The following MCF2L variants were observed in gnomAD, a reference collection of about 807,000 sequenced individuals.
The protein encoded by MCF2L is MCF.2 cell line derived transforming sequence like.
Under a neutral mutation model 153.4 loss-of-function variants are expected in MCF2L, and 97 were observed. The observed-to-expected ratio is 0.63, with a 90% CI of 0.54 to 0.75. MCF2L has a LOEUF of 0.75. Ranked by LOEUF, MCF2L falls within the 30% of genes least tolerant of loss-of-function variation. MCF2L has a pLI of 0.00. For missense variants in MCF2L, 1,347 were observed against 1,495.2 expected (o/e 0.90, Z 1.64); for synonymous variants, 659 against 632.2 (o/e 1.04, Z -0.64).
chr13:113,042,112 C>T (rs1279737001), intron 3 of MCF2L, among the ~76,000 whole-genome samples: 9 of 152,090 alleles, frequency 5.9e-5, no homozygotes, highest in Admixed American at 3.3e-4. Flanking sequence ...CCTGCCTGCA[C>T]CCCGTTCCCA....
intron 1 of MCF2L, among the ~76,000 whole-genome samples, chr13:112,975,409 C>T (rs1325636916): frequency 6.6e-6 from 1 of 152,252 alleles, no homozygotes; most frequent in Non-Finnish European, 1.5e-5. Flanking sequence ...GCTCTGCCAT[C>T]TGTGGCTGTG....
intron 2 of MCF2L, among the ~76,000 whole-genome samples, chr13:112,939,430 A>G (rs1294888401): frequency 6.6e-6 from 1 of 152,104 alleles, no homozygotes; most frequent in Non-Finnish European, 1.5e-5. Flanking sequence ...GCATGCCCCC[A>G]CTGCTCCCAC....
rs138453919 is a variant in MCF2L at position 113,006,794 on chromosome 13, A to T, written c.80-7969A>T. The stretch of plus-strand genomic sequence containing the variant: ...GCAGTCACTTGAGAACGCCCCGAGC[A>T]TCTGGCCCAGGAGGCTCGGCCTGGA... On this transcript the variant is annotated intron_variant, in intron 1 of 29. Transcript: ENST00000535094. 4.4e-3 allele frequency among the ~76,000 whole-genome samples: 675 copies of T among 152,338 alleles called. 7 individuals are homozygous for T. Among genetic ancestry groups the T allele is most frequent in the Non-Finnish European group, 7.5e-3 (510 of 68,022 alleles).
chr13:112,899,186 C>T (rs1167427878), intron 1 of MCF2L, among the ~76,000 whole-genome samples: 3 of 152,206 alleles, frequency 2.0e-5, no homozygotes, highest in Non-Finnish European at 4.4e-5. Context: ...GAGTTCTAGC[C>T]GCCTGTGACC....
chr13:112,984,039 C>T (rs1436507402), intron 1 of MCF2L, among the ~76,000 whole-genome samples: 2 of 152,134 alleles, frequency 1.3e-5, no homozygotes, highest in African/African-American at 4.8e-5. Flanking sequence ...AGGTTGGGGC[C>T]GGTGCCAGGG....
intron 1 of MCF2L, chr13:113,009,240 A>G (rs1467763676): frequency 6.6e-6 from 1 of 152,234 alleles, no homozygotes; most frequent in East Asian, 1.9e-4. Context: ...TTCCCTGATC[A>G]CCGCTTCTTT....
rs2086814801 is a variant in MCF2L at position 113,046,380 on chromosome 13, C to T, written c.369+1019C>T. On this transcript the variant is annotated intron_variant, in intron 4 of 29. Coordinates refer to ENST00000535094, the MANE Select transcript of MCF2L (RefSeq NM_001112732.3). The surrounding 1 kb of genome is among the most constrained non-coding windows in gnomAD (Gnocchi z 4.4). Reference sequence around the variant, plus strand: ...GACCCTGGGTCCTCAGCTGTGATGGCACAATTGCTCCAAGCATTCCCCAGC... The same window carrying T: ...GACCCTGGGTCCTCAGCTGTGATGGTACAATTGCTCCAAGCATTCCCCAGC... The T allele has an allele frequency of 7.7e-6, 3 of 388,496 alleles. No homozygotes were observed. The highest frequency in any genetic ancestry group is 4.0e-5 in the South Asian group (2 of 50,308). 24.1% of individuals were successfully genotyped at this position (388,496 alleles called of 1,614,324 possible).
rs1219347545 is a variant in MCF2L, at chr13:113,031,476, T to C, written c.278+6718T>C. On this transcript the variant is annotated intron_variant, in intron 3 of 29. Coordinates refer to ENST00000535094, the MANE Select transcript of MCF2L (RefSeq NM_001112732.3). This position sits in a 1 kb window ranked among gnomAD's most constrained non-coding sequence, Gnocchi z 5.5. ...GGAGTCGGGGGCTGTAGGGACAGAGTCTGGGAGGTGAGACAGGGTCTGTGG... is the reference window on the plus strand; with the variant it reads ...GGAGTCGGGGGCTGTAGGGACAGAGCCTGGGAGGTGAGACAGGGTCTGTGG... Among the ~76,000 whole-genome samples the C allele has an allele frequency of 6.6e-6, 1 of 151,108 alleles. No individual in the cohort carries two copies. The highest frequency in any genetic ancestry group is 1.5e-5 in the Non-Finnish European group (1 of 67,736).
intron 8 of MCF2L, among the ~76,000 whole-genome samples, chr13:113,066,602 C>G (rs1358140012): frequency 6.6e-6 from 1 of 152,160 alleles, no homozygotes; most frequent in Non-Finnish European, 1.5e-5. Context: ...ATATTTCTCC[C>G]TTGGGCTTCC....
chr13:113,065,570 C>T (rs558236327), intron 7 of MCF2L, among the ~76,000 whole-genome samples: 24 of 152,344 alleles, frequency 1.6e-4, no homozygotes, highest in Middle Eastern at 3.4e-3. Context: ...GTGTCCACAG[C>T]GCTTGCTGGA....
At chr13:113,004,131 C>T (rs930312349) in intron 1 of MCF2L, among the ~76,000 whole-genome samples, 4 of 152,202 alleles carry the variant, frequency 2.6e-5, no homozygotes, top group Admixed American at 1.3e-4. Flanking sequence ...GCCACGCCTC[C>T]CCCCGGCCCA....
chr13:113,043,172 T>A lies in MCF2L; in HGVS notation c.279-2099T>A, dbSNP rs553193494. On this transcript the variant is annotated intron_variant, in intron 3 of 29. Coordinates refer to ENST00000535094, the MANE Select transcript of MCF2L (RefSeq NM_001112732.3). The stretch of plus-strand genomic sequence containing the variant: ...TGCGGGGCCCACCAGAGCCCGCCAG[T>A]GTCGCAGAGGCGGTGAGCCCCTCCC... The A allele has an allele frequency of 2.6e-5, 4 of 152,318 alleles. No homozygotes were observed. In the South Asian group the frequency reaches 8.3e-4, roughly 32 times the overall value. 9.4% of individuals were successfully genotyped at this position (152,318 alleles called of 1,614,324 possible).
chr13:113,087,643 C>G, intron 22 of MCF2L, 64 bp from the exon 23 acceptor site: 1 of 1,426,888 alleles, frequency 7.0e-7, no homozygotes, highest in Admixed American at 1.7e-5. Flanking sequence ...GCACCAACAC[C>G]TTTTAAAAAC....
chr13:112,999,523 A>C (rs1183388206), intron 1 of MCF2L, among the ~76,000 whole-genome samples: 4 of 152,100 alleles, frequency 2.6e-5, no homozygotes, highest in Admixed American at 2.6e-4. Context: ...TGCTCACTCC[A>C]TCTGCATCAG....
intron 2 of MCF2L, among the ~76,000 whole-genome samples, chr13:112,905,084 C>A (rs2081159284): frequency 6.6e-6 from 1 of 152,180 alleles, no homozygotes; most frequent in African/African-American, 2.4e-5. Context: ...CGCTCCCATT[C>A]CCCCTGTTGG....
At chr13:113,004,403 G>A (rs1398505294) in intron 1 of MCF2L, among the ~76,000 whole-genome samples, 1 of 152,254 alleles carries the variant, frequency 6.6e-6, no homozygotes, top group Non-Finnish European at 1.5e-5. Flanking sequence ...ACCTCAGTCT[G>A]CAGCCGTCAC....
chr13:112,940,448 G>A lies in MCF2L; in HGVS notation c.169+38077G>A, dbSNP rs960440734. Among the ~76,000 whole-genome samples the A allele has an allele frequency of 4.6e-5, 7 of 152,334 alleles. 1 individual carries two copies. The highest frequency in any genetic ancestry group is 6.8e-3 in the Middle Eastern group (2 of 294). Reference sequence around the variant, plus strand: ...ATGGCCTTGTGGGCAGTCACTTCCCGTGGTCGGGTGGGGCGGGGAAGGCCC... The same window carrying A: ...ATGGCCTTGTGGGCAGTCACTTCCCATGGTCGGGTGGGGCGGGGAAGGCCC... On this transcript the variant is annotated intron_variant, in intron 2 of 29. Coordinates refer to the MCF2L transcript ENST00000375608.
chr13:112,994,974 T>A (rs1177578000), intron 1 of MCF2L, among the ~76,000 whole-genome samples: 2 of 152,228 alleles, frequency 1.3e-5, no homozygotes, highest in African/African-American at 4.8e-5. Context: ...TGCGGAGACT[T>A]CCCCAGGTTT....
chr13:113,042,875 A>G, intron 3 of MCF2L: 1 of 152,316 alleles, frequency 6.6e-6, no homozygotes. Context: ...GCTGTTGTGG[A>G]GTAGCGGGGG....
Sources: gnomAD v4.1 joint callset for allele counts (sites outside exome capture counted in the v4.1 genomes callset) on GRCh38, gnomAD v4.1.1 for gene constraint, Gnocchi (gnomAD v3.1) non-coding constraint, MANE v1.5 for transcripts, NCBI Gene and HGNC (gene_info 2026-07-23, HGNC 2026-07-21) for gene names.